The following ALG14 variants were observed in gnomAD, a reference collection of about 807,000 sequenced individuals.
The protein encoded by ALG14 is ALG14 UDP-N-acetylglucosaminyltransferase subunit.
Under a neutral mutation model 22.8 loss-of-function variants are expected in ALG14, and 17 were observed. The ratio of observed to expected loss-of-function variants is 0.75; its 90% CI spans 0.51 to 1.12. The LOEUF (loss-of-function observed/expected upper bound fraction) is 1.12, where lower values mean the gene tolerates loss of function less well. ALG14 is among the 50% of genes most tolerant of loss of function. ALG14 has a pLI of 0.00. For synonymous variants in ALG14, 89 were observed against 103.7 expected (o/e 0.86, Z 0.86); for missense variants, 288 against 271.8 (o/e 1.06, Z -0.42).
intron 2 of ALG14, among the ~76,000 whole-genome samples, chr1:95,028,658 A>G (rs1673901339): frequency 7.0e-6 from 1 of 143,600 alleles, no homozygotes; most frequent in African/African-American, 2.7e-5. Context: ...TTCTCTACAA[A>G]AAATACAAAA....
chr1:95,038,469 C>CA (rs771973682), intron 2 of ALG14, among the ~76,000 whole-genome samples: 4 of 151,728 alleles, frequency 2.6e-5, no homozygotes, highest in Non-Finnish European at 5.9e-5. Flanking sequence ...AGTCTGGTGA[C>CA]AGAGTGAGAC....
chr1:94,981,697 T>TG lies in ALG14; in HGVS notation c.*1378dup, dbSNP rs34544830. 15 of 145,418 alleles carry TG rather than the reference T, an allele frequency of 1.0e-4. No individual in the cohort carries two copies. In the East Asian group the frequency reaches 3.1e-3, roughly 30 times the overall value. The allele number at this position is 145,418 out of a possible 1,614,324, so 9.0% of individuals were successfully genotyped here. On this transcript the variant is annotated 3_prime_UTR_variant, in exon 4 of 4. Transcript: ENST00000370205. ...TATTTTGTTTTGTTTTTTTTTTTTTTGGCTGCTTTGTTAAAGAAGCAGAGG... is the reference window on the plus strand; with the variant it reads ...TATTTTGTTTTGTTTTTTTTTTTTTTGGGCTGCTTTGTTAAAGAAGCAGAGG...
chr1:95,030,764 C>T (rs1050927093), intron 2 of ALG14, among the ~76,000 whole-genome samples: 1 of 152,120 alleles, frequency 6.6e-6, no homozygotes, highest in Non-Finnish European at 1.5e-5. Flanking sequence ...CTTTCCTAGA[C>T]CTGGACGTGG....
intron 3 of ALG14, among the ~76,000 whole-genome samples, chr1:94,994,110 C>T (rs1227174227): frequency 6.6e-6 from 1 of 152,242 alleles, no homozygotes; most frequent in African/African-American, 2.4e-5. Context: ...AGCATCGTCA[C>T]TACAGATCTT....
chr1:94,979,847 C>T lies in ALG14; in HGVS notation c.*3229G>A, dbSNP rs1672466079. On this transcript the variant is annotated 3_prime_UTR_variant, in exon 4 of 4. Transcript: ENST00000370205. ...TTTTTAGAGTGCTAGAGGGATGGGC[C>T]CTAACAAAAGAATGTTGAAGGCGGA... The T allele has an allele frequency of 1.3e-5, 2 of 152,004 alleles. No homozygotes were observed. The highest frequency in any genetic ancestry group is 4.2e-4 in the South Asian group (2 of 4,808). 9.4% of individuals were successfully genotyped at this position (152,004 alleles called of 1,614,324 possible). A position where few individuals can be genotyped will look rare whatever the true frequency, so the allele number is the denominator to read the frequency against.
chr1:94,978,658 A>C lies in ALG14; in HGVS notation c.*4418T>G, dbSNP rs762643256. 2.0e-5 allele frequency: 3 copies of C among 152,288 alleles called. No homozygotes were observed. The East Asian group carries it at 5.8e-4, about 29-fold the overall frequency. The allele number at this position is 152,288 out of a possible 1,614,324, so 9.4% of individuals were successfully genotyped here. A position where few individuals can be genotyped will look rare whatever the true frequency, so the allele number is the denominator to read the frequency against. ...GACTTTGTGGGTGGGGCAAAATCTA[A>C]GTTGGGAGTGAAGTAGAAGGAGGAC... is the stretch of plus-strand genomic sequence containing the variant. On this transcript the variant is annotated 3_prime_UTR_variant, in exon 4 of 4. Transcript: ENST00000370205.
intron 2 of ALG14, among the ~76,000 whole-genome samples, chr1:95,056,365 C>T (rs984177379): frequency 5.3e-5 from 8 of 152,162 alleles, no homozygotes; most frequent in African/African-American, 1.9e-4. Context: ...CAAAATGTGG[C>T]CAGGCACGGT....
chr1:94,978,270 C>T lies in ALG14; in HGVS notation c.*4806G>A, dbSNP rs957794365. ...TAGAGATGGGGTTTCACCATCTTGG[C>T]CAGGCTGGTCTTGAACTCCTGACCT... On this transcript the variant is annotated 3_prime_UTR_variant, in exon 4 of 4. Coordinates refer to ENST00000370205, the MANE Select transcript of ALG14 (RefSeq NM_144988.4). The T allele has an allele frequency of 6.6e-6, 1 of 151,330 alleles. No homozygotes were observed. The highest frequency in any genetic ancestry group is 2.4e-5 in the African/African-American group (1 of 41,144). The allele number at this position is 151,330 out of a possible 1,614,324, so 9.4% of individuals were successfully genotyped here.
chr1:95,033,398 C>CAT (rs1674075274), intron 2 of ALG14, among the ~76,000 whole-genome samples: 1 of 136,344 alleles, frequency 7.3e-6, no homozygotes, highest in African/African-American at 2.8e-5. Flanking sequence ...TACATACATA[C>CAT]ATACATATAT....
chr1:95,047,233 A>C lies in ALG14; in HGVS notation c.288+17633T>G, dbSNP rs917692618. ...ATACTTTGTTATATGTATACATGTA[A>C]CAGAAGGGGAAAAAAAGCACTGGCA... On this transcript the variant is annotated intron_variant, in intron 2 of 3. Transcript: ENST00000370205. Among the ~76,000 whole-genome samples the C allele has an allele frequency of 9.8e-5, 15 of 152,316 alleles. 1 individual carries two copies. The highest frequency in any genetic ancestry group is 3.4e-4 in the African/African-American group (14 of 41,576).
At chr1:95,006,262 T>C (rs1006088359) in intron 3 of ALG14, among the ~76,000 whole-genome samples, 1 of 152,234 alleles carries the variant, frequency 6.6e-6, no homozygotes, top group Non-Finnish European at 1.5e-5. Flanking sequence ...CGTAATTTGA[T>C]TACAAATTCC....
intron 3 of ALG14, among the ~76,000 whole-genome samples, chr1:94,994,073 G>T (rs1345925681): frequency 6.6e-6 from 1 of 152,042 alleles, no homozygotes; most frequent in Non-Finnish European, 1.5e-5. Context: ...CATTTTTTTG[G>T]TTGGAATGGT....
chr1:95,063,088 T>C (rs1345268334), intron 2 of ALG14, among the ~76,000 whole-genome samples: 1 of 152,256 alleles, frequency 6.6e-6, no homozygotes, highest in Admixed American at 6.5e-5. Flanking sequence ...GTTGGCTGCA[T>C]GAATGTCTTC....
In ALG14 at chr1:95,063,065, C is replaced by T. The variant is rs889421886; in HGVS notation, c.288+1801G>A. ...CTAATGATCAGTGATGTTGAGCTTTCTTTCATATGTTTGTTGGCTGCATGA... is the reference window on the plus strand; with the variant it reads ...CTAATGATCAGTGATGTTGAGCTTTTTTTCATATGTTTGTTGGCTGCATGA... On this transcript the variant is annotated intron_variant, in intron 2 of 3. Transcript: ENST00000370205. Among the ~76,000 whole-genome samples the T allele has an allele frequency of 1.1e-4, 17 of 152,056 alleles. 1 individual carries two copies. The highest frequency in any genetic ancestry group is 3.9e-4 in the African/African-American group (16 of 41,426).
intron 3 of ALG14, among the ~76,000 whole-genome samples, chr1:95,019,771 G>A (rs1219268773): frequency 6.6e-6 from 1 of 151,892 alleles, no homozygotes; most frequent in Non-Finnish European, 1.5e-5. Flanking sequence ...ACCTGATGTC[G>A]GGAGTTTGAG....
chr1:95,018,000 A>G (rs1436613483), intron 3 of ALG14, among the ~76,000 whole-genome samples: 1 of 152,100 alleles, frequency 6.6e-6, no homozygotes, highest in Non-Finnish European at 1.5e-5. Flanking sequence ...CATTACTCCT[A>G]TTTGATAGGA....
intron 3 of ALG14, among the ~76,000 whole-genome samples, chr1:95,003,627 T>A (rs1368695291): frequency 6.6e-6 from 1 of 151,950 alleles, no homozygotes; most frequent in Non-Finnish European, 1.5e-5. Context: ...TTTTTAAAAA[T>A]TTTTAAATAT....
At chr1:95,053,195 G>C (rs1674811247) in intron 2 of ALG14, among the ~76,000 whole-genome samples, 1 of 152,036 alleles carries the variant, frequency 6.6e-6, no homozygotes. Flanking sequence ...TGAAAATAAA[G>C]AGGTGGGAAA....
At position 95,016,942 on chromosome 1, in the gene ALG14, GGTGTGTGTGTGTGTGTGTGT is replaced by G. The variant is rs55962309; in HGVS notation, c.420+10167_420+10186del. 1.2e-3 allele frequency among the ~76,000 whole-genome samples: 150 copies of G among 129,362 alleles called. 1 individual carries two copies. The highest frequency in any genetic ancestry group is 2.9e-3 in the Admixed American group (37 of 12,704). The allele number at this position is 129,362 out of a possible 152,430, so 84.9% of individuals were successfully genotyped here. On this transcript the variant is annotated intron_variant, in intron 3 of 3. Transcript: ENST00000370205. ...CCAGCCCTTGCAATTTTGCAAAAGG[GGTGTGTGTGTGTGTGTGTGT>G]GTGTGTGTGTGTGTGTGTGTGTGTG...
Sources: gnomAD v4.1 joint callset for allele counts (sites outside exome capture counted in the v4.1 genomes callset) on GRCh38, gnomAD v4.1.1 for gene constraint, MANE v1.5 for transcripts, NCBI Gene and HGNC (gene_info 2026-07-23, HGNC 2026-07-21) for gene names.